ARL6: variants seen among roughly 807,000 people sequenced by gnomAD.
ARL6 encodes ADP-ribosylation factor-like protein 6.
A neutral mutation model predicts 27.1 loss-of-function variants in ARL6; 18 were observed. The ratio of observed to expected loss-of-function variants is 0.66; its 90% CI spans 0.46 to 0.98. The LOEUF is 0.98. ARL6 is among the 50% of genes least tolerant of loss of function. The pLI is 0.00. For synonymous variants in ARL6, 65 were observed against 72.3 expected, an observed-to-expected ratio of 0.90 and a Z score of 0.51; for missense variants, 187 against 214.9, an observed-to-expected ratio of 0.87 and a Z score of 0.81.
Position 97,786,282 on chromosome 3 carries a change from T to C in ARL6, c.349+1233T>C, listed in dbSNP as rs1156779299. ...ATTGCCTGAACCTGGAAGGTGGAGG[T>C]TGCAGTGAACTGAGATAGCACCACT... On this transcript the variant is annotated intron_variant, in intron 5 of 7. Coordinates refer to ENST00000463745, the MANE Select transcript of ARL6 (RefSeq NM_001278293.3). 2.6e-5 allele frequency among the ~76,000 whole-genome samples: 4 copies of C among 151,828 alleles called. No homozygotes were observed. In the East Asian group the frequency reaches 7.7e-4, roughly 29 times the overall value.
At chr3:97,773,301 C>T (rs184198533) in intron 2 of ARL6, among the ~76,000 whole-genome samples, 8 of 152,264 alleles carry the variant, frequency 5.3e-5, no homozygotes, top group Admixed American at 1.3e-4. Flanking sequence ...ATATTCTGGG[C>T]GCACTGGCAG....
Position 97,768,234 on chromosome 3 carries a change from A to T in ARL6, c.123+4A>T. On this transcript the variant is annotated splice_donor_region_variant and intron_variant, in intron 2 of 7. Coordinates refer to ENST00000463745, the MANE Select transcript of ARL6 (RefSeq NM_001278293.3). ...TAACAAACTTAAACCTTCAAATGTA[A>T]GTATCTTTGTTAGATGCTTTATGTA... is the stretch of plus-strand genomic sequence containing the variant. 1 of 1,611,974 alleles carries T rather than the reference A, an allele frequency of 6.2e-7. No individual in the cohort carries two copies.
chr3:97,794,177 TTGTGTG>T lies in ARL6; in HGVS notation c.535+2387_535+2392del, dbSNP rs370867493. 3.1e-4 allele frequency among the ~76,000 whole-genome samples: 42 copies of T among 137,476 alleles called. 1 individual carries two copies. Among genetic ancestry groups the T allele is most frequent in the South Asian group, 2.7e-3 (11 of 4,064 alleles). The allele number at this position is 137,476 out of a possible 152,430, so 90.2% of individuals were successfully genotyped here. A position where few individuals can be genotyped will look rare whatever the true frequency, so the allele number is the denominator to read the frequency against. ...GTGCTTTGGTTATATTTTCTTTCTT[TTGTGTG>T]TGTGTGTGTGTGTGTGTGTGTGTGT... On this transcript the variant is annotated intron_variant, in intron 7 of 7. Coordinates refer to ENST00000463745, the MANE Select transcript of ARL6 (RefSeq NM_001278293.3).
intron 6 of ARL6, among the ~76,000 whole-genome samples, chr3:97,790,124 T>C (rs3907774): frequency 2.0e-5 from 3 of 151,322 alleles, no homozygotes; most frequent in African/African-American, 4.9e-5. Context: ...GTTTACCATC[T>C]TGTGGGGGAG....
In ARL6 at chr3:97,798,030, T is replaced by A. The variant is rs1255511898; in HGVS notation, c.542T>A (p.Ile181Asn). 1 of 1,613,246 alleles carries A rather than the reference T, an allele frequency of 6.2e-7. No homozygotes were observed. Among genetic ancestry groups the A allele is most frequent in the East Asian group, 2.2e-5 (1 of 44,778 alleles). Residue 181 changes from isoleucine to asparagine, a missense_variant, in exon 8 of 8, where the codon ATC (isoleucine) becomes AAC (asparagine). Transcript: ENST00000463745. ...QEGVDWLQDQ[I>N]QTVKT ...GTTTGTTTTTTGTTATCAGATCAGA[T>A]CCAGACTGTGAAGACATGAAAAGAT...
chr3:97,798,206 A>G lies in ARL6; in HGVS notation c.*157A>G, dbSNP rs2038093909. 1.4e-6 allele frequency: 1 copy of G among 717,284 alleles called. No homozygotes were observed. The highest frequency in any genetic ancestry group is 1.8e-5 in the African/African-American group (1 of 56,298). The allele number at this position is 717,284 out of a possible 1,614,324, so 44.4% of individuals were successfully genotyped here. On this transcript the variant is annotated 3_prime_UTR_variant, in exon 8 of 8. Coordinates refer to ENST00000463745, the MANE Select transcript of ARL6 (RefSeq NM_001278293.3). The stretch of plus-strand genomic sequence containing the variant: ...TTTTTAAGAACATAGGACTTCAGGT[A>G]TGCTAATTTGGCCATTAATTATTTA...
At chr3:97,788,558 C>G (rs927160475) in intron 6 of ARL6, among the ~76,000 whole-genome samples, 2 of 151,906 alleles carry the variant, frequency 1.3e-5, no homozygotes, top group South Asian at 2.1e-4. Flanking sequence ...TCTGCCTATA[C>G]AGGTGTGTTA....
chr3:97,772,867 A>T (rs1242504106), intron 2 of ARL6, among the ~76,000 whole-genome samples: 2 of 151,742 alleles, frequency 1.3e-5, no homozygotes, highest in African/African-American at 4.8e-5. Flanking sequence ...TGATCTGCCC[A>T]CCTCGGCCTC....
At chr3:97,791,024 TTTA>T (rs1443371776) in intron 6 of ARL6, among the ~76,000 whole-genome samples, 1 of 152,134 alleles carries the variant, frequency 6.6e-6, no homozygotes, top group East Asian at 1.9e-4. Flanking sequence ...TCCTCTGCAT[TTTA>T]TTATTTTAAT....
At chr3:97,785,318 C>CAATAAGCAA (rs1559684818) in intron 5 of ARL6, among the ~76,000 whole-genome samples, 1 of 40,600 alleles carries the variant, frequency 2.5e-5, no homozygotes, top group Non-Finnish European at 6.4e-5. Flanking sequence ...TTTCTGATTA[C>CAATAAGCAA]ATAAATTGTA....
At chr3:97,789,188 G>A (rs1303472094) in intron 6 of ARL6, among the ~76,000 whole-genome samples, 1 of 152,100 alleles carries the variant, frequency 6.6e-6, no homozygotes, top group Non-Finnish European at 1.5e-5. Flanking sequence ...CATATCCCAA[G>A]TAAAACCTTC....
intron 1 of ARL6, chr3:97,766,163 G>A (rs1002003102): frequency 2.6e-5 from 4 of 152,126 alleles, no homozygotes; most frequent in African/African-American, 7.2e-5. Context: ...TTAAAGGGGG[G>A]AAAATGTGAG....
chr3:97,794,040 A>G (rs542861422), intron 7 of ARL6, among the ~76,000 whole-genome samples: 1 of 152,324 alleles, frequency 6.6e-6, no homozygotes, highest in African/African-American at 2.4e-5. Flanking sequence ...ACCTAGCATA[A>G]GAAAGCACCC....
At chr3:97,795,537 A>G (rs937023983) in intron 7 of ARL6, among the ~76,000 whole-genome samples, 1 of 152,216 alleles carries the variant, frequency 6.6e-6, no homozygotes, top group Non-Finnish European at 1.5e-5. Flanking sequence ...ATACGGACAA[A>G]AAGAAGGGAA....
rs887102405 is a variant in ARL6, at chr3:97,785,000, A to G, written c.300A>G (p.Leu100=). The change falls in exon 5 of 8, where the codon TTA becomes TTG. Residue 100 remains leucine, a synonymous_variant. Coordinates refer to ENST00000463745, the MANE Select transcript of ARL6 (RefSeq NM_001278293.3). The part of the protein sequence containing the change: ...IIFVIDSSDR[L]RMVVAKEELD... ...TTGTCATTGATAGTAGTGATAGATT[A>G]AGAATGGTTGTGGCCAAAGAAGAAC... The G allele has an allele frequency of 1.2e-6, 2 of 1,613,006 alleles. No individual in the cohort carries two copies. Among genetic ancestry groups the G allele is most frequent in the Non-Finnish European group, 1.7e-6 (2 of 1,179,364 alleles).
At position 97,785,007 on chromosome 3, in the gene ARL6, G is replaced by T. The variant is rs774150149; in HGVS notation, c.307G>T (p.Val103Phe). The T allele has an allele frequency of 3.0e-5, 48 of 1,612,942 alleles. No individual in the cohort carries two copies. Among genetic ancestry groups the T allele is most frequent in the Non-Finnish European group, 4.1e-5 (48 of 1,179,378 alleles). Reference protein sequence around the residue: ...VIDSSDRLRMVVAKEELDTLL... With the variant: ...VIDSSDRLRMFVAKEELDTLL... ...TGATAGTAGTGATAGATTAAGAATG[G>T]TTGTGGCCAAAGAAGAACTCGATAC... The change falls in exon 5 of 8, where the codon GTT becomes TTT. Residue 103 changes from valine (V) to phenylalanine (F), a missense_variant. By Grantham distance (50) the Val-to-Phe change is conservative. Coordinates refer to ENST00000463745, the MANE Select transcript of ARL6 (RefSeq NM_001278293.3).
At chr3:97,771,587 C>T (rs2036637378) in intron 2 of ARL6, among the ~76,000 whole-genome samples, 1 of 148,600 alleles carries the variant, frequency 6.7e-6, no homozygotes, top group South Asian at 2.1e-4. Flanking sequence ...TTGTCTTGAT[C>T]CAGGTTTAGA....
intron 7 of ARL6, among the ~76,000 whole-genome samples, chr3:97,793,192 A>C (rs1317423440): frequency 1.3e-5 from 2 of 152,210 alleles, no homozygotes; most frequent in African/African-American, 4.8e-5. Flanking sequence ...TGTAGTTATC[A>C]TAACACCATT....
rs2038198696 is a variant in ARL6, at chr3:97,800,332, G to A, written c.*2283G>A. The stretch of plus-strand genomic sequence containing the variant: ...GCTGAGATTATTGCATTTGTATTTA[G>A]CATATTATACAATTAAAATGTATTT... On this transcript the variant is annotated 3_prime_UTR_variant, in exon 8 of 8. Transcript: ENST00000463745. The A allele has an allele frequency of 6.6e-6, 1 of 152,094 alleles. No individual in the cohort carries two copies. The highest frequency in any genetic ancestry group is 1.5e-5 in the Non-Finnish European group (1 of 68,012). 9.4% of individuals were successfully genotyped at this position (152,094 alleles called of 1,614,324 possible).
Sources: gnomAD v4.1 joint callset for allele counts (sites outside exome capture counted in the v4.1 genomes callset) on GRCh38, gnomAD v4.1.1 for gene constraint, MANE v1.5 for transcripts, NCBI Gene and HGNC (gene_info 2026-07-23, HGNC 2026-07-21) for gene names.